The following TMEM135 variants were observed in gnomAD, a reference collection of about 807,000 sequenced individuals.
The protein encoded by TMEM135 is peroxisomal membrane protein 52.
A neutral mutation model predicts 60.3 loss-of-function variants in TMEM135; 30 were observed. That is an observed-to-expected ratio of 0.50 (90% confidence interval 0.37 to 0.68). TMEM135 has a LOEUF of 0.68. TMEM135 is among the 30% of genes least tolerant of loss of function. The pLI, the probability that TMEM135 is intolerant of heterozygous loss-of-function variation, is 0.00. For missense variants in TMEM135, 468 were observed against 548.8 expected (o/e 0.85, Z 1.47); for synonymous variants, 190 against 186.7 (o/e 1.02, Z -0.14).
chr11:87,324,916 A>G lies in TMEM135; in HGVS notation c.*3583A>G, dbSNP rs77844837. 0.14 allele frequency: 61,672 copies of G among 453,772 alleles called. 4,409 individuals carry two copies. The highest frequency in any genetic ancestry group is 0.15 in the South Asian group (9,576 of 64,442). 28.1% of individuals were successfully genotyped at this position (453,772 alleles called of 1,614,324 possible). A position where few individuals can be genotyped will look rare whatever the true frequency, so the allele number is the denominator to read the frequency against. On this transcript the variant is annotated 3_prime_UTR_variant, in exon 15 of 15. Coordinates refer to ENST00000305494, the MANE Select transcript of TMEM135 (RefSeq NM_022918.4). Reference sequence around the variant, plus strand: ...ACTCAGCTGAAAATGAGTGGCCAAGAAAAAAATACAAGAAAAGGAATAAGA... The same window carrying G: ...ACTCAGCTGAAAATGAGTGGCCAAGGAAAAAATACAAGAAAAGGAATAAGA...
At chr11:87,308,961 A>G (rs1020981524) in intron 9 of TMEM135, among the ~76,000 whole-genome samples, 12 of 152,190 alleles carry the variant, frequency 7.9e-5, no homozygotes, top group African/African-American at 2.9e-4. Context: ...AAACCTAGAC[A>G]TAATTCTGCA....
chr11:87,101,111 T>C (rs552923704), intron 4 of TMEM135, among the ~76,000 whole-genome samples: 10 of 151,680 alleles, frequency 6.6e-5, no homozygotes, highest in Non-Finnish European at 8.8e-5. Context: ...GATAGTGAAT[T>C]AGTTATTAAA....
rs1460763643 is a variant in TMEM135 at position 87,328,278 on chromosome 11, T to A, written c.*6945T>A. ...TCTGTGTATGCTAAAATACTGTCAA[T>A]CTCGTCTTTGAAGGTTTTGCTCATC... is the stretch of plus-strand genomic sequence containing the variant. On this transcript the variant is annotated 3_prime_UTR_variant, in exon 15 of 15. Coordinates refer to ENST00000305494, the MANE Select transcript of TMEM135 (RefSeq NM_022918.4). The A allele has an allele frequency of 5.3e-5, 24 of 454,018 alleles. No homozygotes were observed. Among genetic ancestry groups the A allele is most frequent in the Non-Finnish European group, 1.0e-4 (23 of 226,800 alleles). 28.1% of individuals were successfully genotyped at this position (454,018 alleles called of 1,614,324 possible).
chr11:87,111,576 G>A lies in TMEM135; in HGVS notation c.396+20181G>A, dbSNP rs539179866. On this transcript the variant is annotated intron_variant, in intron 4 of 14. Transcript: ENST00000305494. ...TGAGGCAGGAGAATGGCGTGAACCC[G>A]GGAGGTGGAGCTTGCAGTGAGCTGA... 1.6e-4 allele frequency among the ~76,000 whole-genome samples: 24 copies of A among 151,216 alleles called. No homozygotes were observed. In the South Asian group the frequency reaches 2.7e-3, roughly 17 times the overall value.
chr11:87,072,004 T>A (rs1257407055), intron 3 of TMEM135, among the ~76,000 whole-genome samples: 1 of 152,144 alleles, frequency 6.6e-6, no homozygotes, highest in South Asian at 2.1e-4. Flanking sequence ...CTGGCCAGCA[T>A]TGGAAAACCC....
chr11:87,159,898 G>A lies in TMEM135; in HGVS notation c.462+2492G>A, dbSNP rs186013661. On this transcript the variant is annotated intron_variant, in intron 5 of 14. Coordinates refer to ENST00000305494, the MANE Select transcript of TMEM135 (RefSeq NM_022918.4). ...TAAACTAAAAGGTTAATAATTTAAA[G>A]GATTATTTAAAATACAACCTGAAAT... Among the ~76,000 whole-genome samples, 49 of 152,036 alleles carry A rather than the reference G, an allele frequency of 3.2e-4. No individual in the cohort carries two copies. The East Asian group carries it at 8.7e-3, about 27-fold the overall frequency.
chr11:87,160,927 T>TCTCA (rs1222708511), intron 5 of TMEM135, among the ~76,000 whole-genome samples: 1 of 152,028 alleles, frequency 6.6e-6, no homozygotes, highest in Non-Finnish European at 1.5e-5. Flanking sequence ...TGAGATGGAG[T>TCTCA]CTCACTCTCT....
chr11:87,213,229 G>C (rs1392205149), intron 5 of TMEM135, among the ~76,000 whole-genome samples: 1 of 152,136 alleles, frequency 6.6e-6, no homozygotes, highest in Non-Finnish European at 1.5e-5. Context: ...TGTGTGTTAA[G>C]AAATCAGGTT....
At chr11:87,168,460 C>G (rs1939130738) in intron 5 of TMEM135, among the ~76,000 whole-genome samples, 2 of 152,264 alleles carry the variant, frequency 1.3e-5, no homozygotes, top group East Asian at 1.9e-4. Context: ...AAATTTCCCT[C>G]TAAAGACTCC....
At chr11:87,292,867 C>A (rs1178975620) in intron 6 of TMEM135, among the ~76,000 whole-genome samples, 1 of 152,004 alleles carries the variant, frequency 6.6e-6, no homozygotes, top group Non-Finnish European at 1.5e-5. Flanking sequence ...TGTATATGCC[C>A]CTCTTATATT....
intron 4 of TMEM135, among the ~76,000 whole-genome samples, chr11:87,103,481 G>GT (rs869209609): frequency 0.01 from 770 of 74,360 alleles, 8 homozygotes; most frequent in African/African-American, 0.039. Flanking sequence ...TGTTTTTTTT[G>GT]TTTTTTTTTT....
At chr11:87,318,798 G>C (rs569051011) in intron 13 of TMEM135, among the ~76,000 whole-genome samples, 14 of 151,476 alleles carry the variant, frequency 9.2e-5, no homozygotes, top group African/African-American at 3.1e-4. Context: ...AACTAATGAA[G>C]TATCAATATC....
chr11:87,131,086 G>T (rs1937915709), intron 4 of TMEM135, among the ~76,000 whole-genome samples: 1 of 151,244 alleles, frequency 6.6e-6, no homozygotes, highest in African/African-American at 2.4e-5. Context: ...ACCAGTTTTT[G>T]CTTTATAGAA....
intron 8 of TMEM135, among the ~76,000 whole-genome samples, chr11:87,305,403 A>G (rs1216589804): frequency 6.6e-6 from 1 of 152,182 alleles, no homozygotes; most frequent in Non-Finnish European, 1.5e-5. Context: ...AATGGTAAGC[A>G]GCAAGTAGAA....
intron 5 of TMEM135, among the ~76,000 whole-genome samples, chr11:87,168,928 G>T (rs920003609): frequency 2.0e-5 from 3 of 151,950 alleles, no homozygotes; most frequent in Non-Finnish European, 4.4e-5. Context: ...TTATTGTGTG[G>T]GAGTCTAAGT....
At chr11:87,088,504 CTG>C (rs1410229020) in intron 3 of TMEM135, among the ~76,000 whole-genome samples, 2 of 152,164 alleles carry the variant, frequency 1.3e-5, no homozygotes, top group Admixed American at 1.3e-4. Context: ...TTGTTGAAAA[CTG>C]TAGATAGCTC....
Position 87,231,534 on chromosome 11 carries a change from G to A in TMEM135, c.463-5104G>A, listed in dbSNP as rs577214477. ...CCAAGTAACTGTGTCTCACGACAAA[G>A]CTCAAGAAAACTTATGGGAATACAA... On this transcript the variant is annotated intron_variant, in intron 5 of 14. Coordinates refer to ENST00000305494, the MANE Select transcript of TMEM135 (RefSeq NM_022918.4). Among the ~76,000 whole-genome samples the A allele has an allele frequency of 9.9e-4, 151 of 152,070 alleles. No homozygotes were observed. The South Asian group carries it at 0.016, about 17-fold the overall frequency.
At chr11:87,079,172 A>AT (rs1856934358) in intron 3 of TMEM135, among the ~76,000 whole-genome samples, 1 of 151,572 alleles carries the variant, frequency 6.6e-6, no homozygotes, top group Non-Finnish European at 1.5e-5. Context: ...CACCCAGCCA[A>AT]TTTTTGTATT....
At chr11:87,222,175 C>G (rs969386788) in intron 5 of TMEM135, among the ~76,000 whole-genome samples, 1 of 74,440 alleles carries the variant, frequency 1.3e-5, no homozygotes, top group African/African-American at 5.1e-5. Flanking sequence ...GAGCGAGACT[C>G]TGTCTCAAAA....
Sources: allele counts gnomAD v4.1 joint callset (sites outside exome capture counted in the v4.1 genomes callset), GRCh38; gene constraint gnomAD v4.1.1; transcripts MANE v1.5; gene names NCBI Gene and HGNC (gene_info 2026-07-23, HGNC 2026-07-21).